Variants in CGNL1 observed in about 807,000 individuals in gnomAD.
CGNL1 encodes the protein cingulin like 1.
In CGNL1, 132 loss-of-function variants were observed where a neutral mutation model predicts 141.2. The ratio of observed to expected loss-of-function variants is 0.93; its 90% CI spans 0.81 to 1.08. The LOEUF (loss-of-function observed/expected upper bound fraction) is 1.08. CGNL1 is among the 50% of genes least tolerant of loss of function. The pLI, the probability that CGNL1 is intolerant of heterozygous loss-of-function variation, is 0.00. For synonymous variants in CGNL1, 690 were observed against 622.1 expected (o/e 1.11, Z -1.63); for missense variants, 1,870 against 1,588.6 (o/e 1.18, Z -3.01).
intron 1 of CGNL1, among the ~76,000 whole-genome samples, chr15:57,431,483 G>T (rs1284248423): frequency 1.3e-5 from 2 of 152,164 alleles, no homozygotes; most frequent in South Asian, 4.1e-4. Context: ...TATGTGTTTT[G>T]CTAATCTTGG....
intron 14 of CGNL1, among the ~76,000 whole-genome samples, chr15:57,538,831 GTCT>G (rs2032408245): frequency 6.6e-6 from 1 of 152,190 alleles, no homozygotes; most frequent in African/African-American, 2.4e-5. Context: ...CTCCTTGTGG[GTCT>G]TCTTCCTTTA....
rs1479143146 is a variant in CGNL1, at chr15:57,467,081, C to A, written c.2403+5189C>A. On this transcript the variant is annotated intron_variant, in intron 8 of 18. Transcript: ENST00000281282. ...GTTTGCATTATTTTTAAATACAGCACCTTACAAACTGATTTACTGAGCAAC... is the reference window on the plus strand; with the variant it reads ...GTTTGCATTATTTTTAAATACAGCAACTTACAAACTGATTTACTGAGCAAC... 2.0e-5 allele frequency among the ~76,000 whole-genome samples: 3 copies of A among 152,108 alleles called. No individual in the cohort carries two copies. In the East Asian group the frequency reaches 5.8e-4, roughly 29 times the overall value.
At chr15:57,451,184 C>G (rs901326299) in intron 4 of CGNL1, among the ~76,000 whole-genome samples, 1 of 152,162 alleles carries the variant, frequency 6.6e-6, no homozygotes, top group Non-Finnish European at 1.5e-5. Flanking sequence ...GAATACATTA[C>G]GGACTTCTAA....
At chr15:57,470,032 A>T (rs563406070) in intron 8 of CGNL1, among the ~76,000 whole-genome samples, 5 of 152,258 alleles carry the variant, frequency 3.3e-5, no homozygotes, top group African/African-American at 1.2e-4. Context: ...AACAGCAAAA[A>T]TTCCTCATTT....
At chr15:57,466,616 G>T (rs1237851639) in intron 8 of CGNL1, among the ~76,000 whole-genome samples, 1 of 152,052 alleles carries the variant, frequency 6.6e-6, no homozygotes, top group Non-Finnish European at 1.5e-5. Context: ...CTTCTACTTG[G>T]TAACACCATT....
intron 3 of CGNL1, 36 bp downstream of exon 3, chr15:57,440,507 T>C: frequency 7.0e-7 from 1 of 1,430,174 alleles, no homozygotes; most frequent in Non-Finnish European, 9.7e-7. Context: ...CAAAGTATTG[T>C]TGTTTCTGGT....
rs1200597140 is a variant in CGNL1 at position 57,544,616 on chromosome 15, C to T, written c.3500+19C>T. The T allele has an allele frequency of 1.3e-6, 2 of 1,561,902 alleles. No homozygotes were observed. Among genetic ancestry groups the T allele is most frequent in the South Asian group, 1.2e-5 (1 of 85,114 alleles). ...AGGAGAGGTGAGCCGGGCCCACCCA[C>T]TGCAGTGCGGAGGCCCCAGTGGGCA... On this transcript the variant is annotated intron_variant, in intron 16 of 18. Transcript: ENST00000281282.
At chr15:57,454,851 T>C (rs548324193) in intron 7 of CGNL1, among the ~76,000 whole-genome samples, 3 of 152,210 alleles carry the variant, frequency 2.0e-5, no homozygotes, top group Admixed American at 6.5e-5. Flanking sequence ...CAAGAAGATA[T>C]ATGTATTTAT....
intron 1 of CGNL1, among the ~76,000 whole-genome samples, chr15:57,413,165 CCTT>C (rs1358414039): frequency 2.7e-5 from 4 of 150,936 alleles, no homozygotes; most frequent in Non-Finnish European, 4.4e-5. Context: ...GCCTTCTTCT[CCTT>C]CTTTCTTTCT....
intron 1 of CGNL1, among the ~76,000 whole-genome samples, chr15:57,391,033 A>T (rs750702437): frequency 2.0e-5 from 3 of 152,140 alleles, no homozygotes; most frequent in African/African-American, 4.8e-5. Context: ...TAAGGATCCT[A>T]GGCTGTAGCT....
chr15:57,388,500 A>T (rs1389777036), intron 1 of CGNL1, among the ~76,000 whole-genome samples: 5 of 152,132 alleles, frequency 3.3e-5, no homozygotes, highest in African/African-American at 1.2e-4. Context: ...CTGTTCTATG[A>T]ATTCTTGTGT....
chr15:57,465,651 C>A (rs2063502978), intron 8 of CGNL1, among the ~76,000 whole-genome samples: 1 of 151,090 alleles, frequency 6.6e-6, no homozygotes, highest in African/African-American at 2.4e-5. Context: ...TCAACCTCCC[C>A]AAAAAAAAAG....
At chr15:57,435,612 G>A (rs1567114203) in intron 1 of CGNL1, among the ~76,000 whole-genome samples, 1 of 152,038 alleles carries the variant, frequency 6.6e-6, no homozygotes, top group Non-Finnish European at 1.5e-5. Context: ...GTACCTCTCT[G>A]AGTTGTTCCT....
At chr15:57,387,366 C>G (rs1159181539) in intron 1 of CGNL1, among the ~76,000 whole-genome samples, 3 of 152,184 alleles carry the variant, frequency 2.0e-5, no homozygotes, top group African/African-American at 7.2e-5. Context: ...GCCCTGTTTT[C>G]AAGTTTTAAA....
At chr15:57,519,158 T>A (rs1457984450) in intron 10 of CGNL1, among the ~76,000 whole-genome samples, 2 of 152,252 alleles carry the variant, frequency 1.3e-5, no homozygotes, top group African/African-American at 4.8e-5. Flanking sequence ...CCGTTCTGAT[T>A]GACTTTGCAC....
At chr15:57,496,456 G>GTC (rs1567153324) in intron 8 of CGNL1, among the ~76,000 whole-genome samples, 1 of 152,116 alleles carries the variant, frequency 6.6e-6, no homozygotes, top group Non-Finnish European at 1.5e-5. Context: ...AGAATCTGTA[G>GTC]TAACTAATGC....
At chr15:57,409,092 C>T (rs1294901788) in intron 1 of CGNL1, among the ~76,000 whole-genome samples, 4 of 144,148 alleles carry the variant, frequency 2.8e-5, no homozygotes, top group African/African-American at 1.0e-4. Context: ...TGACTTCCTA[C>T]CCTCAGGCAT....
chr15:57,474,385 C>T (rs565525737), intron 8 of CGNL1, among the ~76,000 whole-genome samples: 1 of 152,296 alleles, frequency 6.6e-6, no homozygotes, highest in East Asian at 1.9e-4. Context: ...CTAGCAGAAC[C>T]CACAGCATCC....
intron 1 of CGNL1, among the ~76,000 whole-genome samples, chr15:57,413,475 G>C (rs1208589861): frequency 6.6e-6 from 1 of 152,086 alleles, no homozygotes; most frequent in African/African-American, 2.4e-5. Context: ...TTGCCCAGGG[G>C]TTGTCCCTAG....
Sources: allele counts gnomAD v4.1 joint callset (sites outside exome capture counted in the v4.1 genomes callset), GRCh38; gene constraint gnomAD v4.1.1; transcripts MANE v1.5; gene names NCBI Gene and HGNC (gene_info 2026-07-23, HGNC 2026-07-21).